CAPRIN1: variants seen among roughly 807,000 people sequenced by gnomAD.
The protein encoded by CAPRIN1 is caprin-1.
Under a neutral mutation model 100.9 loss-of-function variants are expected in CAPRIN1, and 29 were observed. The ratio of observed to expected loss-of-function variants is 0.29; its 90% CI spans 0.21 to 0.39. CAPRIN1 has a LOEUF of 0.39. CAPRIN1 is among the 10% of genes least tolerant of loss of function. The probability of loss-of-function intolerance (pLI) is 1.00; values close to 1 mark genes in which losing one functional copy is unlikely to be tolerated. For synonymous variants in CAPRIN1, 338 were observed against 307.5 expected (o/e 1.10, Z -1.04); for missense variants, 795 against 876.7 (o/e 0.91, Z 1.18).
chr11:34,090,378 T>A, intron 13 of CAPRIN1, 89 bp downstream of exon 13: 3 of 1,249,008 alleles, frequency 2.4e-6, no homozygotes, highest in Non-Finnish European at 2.3e-6. Flanking sequence ...TAATGATTCT[T>A]CTTTTTGGAC....
chr11:34,085,243 A>G (rs1264689386), intron 9 of CAPRIN1, among the ~76,000 whole-genome samples: 1 of 152,202 alleles, frequency 6.6e-6, no homozygotes, highest in Non-Finnish European at 1.5e-5. Context: ...AAAGGCTAAT[A>G]GAGTGAGCTT....
intron 11 of CAPRIN1, among the ~76,000 whole-genome samples, chr11:34,086,982 G>C (rs928848505): frequency 1.3e-5 from 2 of 152,196 alleles, no homozygotes. Flanking sequence ...GTGGGTAAGG[G>C]AATATGTAAG....
At chr11:34,053,076 C>A in intron 2 of CAPRIN1, 5 of 1,024,166 alleles carry the variant, frequency 4.9e-6, no homozygotes, top group Non-Finnish European at 5.9e-6. Context: ...GGAGTTGGGG[C>A]GGCCTGCGTC....
rs573988460 is a variant in CAPRIN1 at position 34,096,606 on chromosome 11, T to A, written c.1833T>A (p.Ser611=). 3 of 1,613,734 alleles carry A rather than the reference T, an allele frequency of 1.9e-6. No homozygotes were observed. The African/African-American group carries it at 4.0e-5, about 22-fold the overall frequency. Residue 611 remains serine (S), a synonymous_variant, in exon 16 of 19, where the codon TCT becomes TCA. Transcript: ENST00000341394. ...CCTATTACAATAGTCGTGGTGTGTC[T>A]CGTGGAGGCTCCCGTGGTGCTAGAG... ...NQPYYNSRGV[S]RGGSRGARGL...
At chr11:34,056,788 T>C (rs929711175) in intron 2 of CAPRIN1, among the ~76,000 whole-genome samples, 1 of 152,252 alleles carries the variant, frequency 6.6e-6, no homozygotes, top group Non-Finnish European at 1.5e-5. Flanking sequence ...GTGAATATAA[T>C]AGGTTTAGAC....
intron 11 of CAPRIN1, among the ~76,000 whole-genome samples, chr11:34,087,880 C>CAG (rs1331061712): frequency 6.6e-6 from 1 of 152,016 alleles, no homozygotes; most frequent in Non-Finnish European, 1.5e-5. Context: ...AAATGACTAA[C>CAG]CAAAGATCGT....
intron 7 of CAPRIN1, 140 bp downstream of exon 7, chr11:34,079,905 G>GTTTTTTTTTTT (rs377455073): frequency 3.2e-6 from 1 of 316,654 alleles, no homozygotes; most frequent in African/African-American, 2.9e-5. Flanking sequence ...GCATGACAAA[G>GTTTTTTTTTTT]TTTTTTTTTT....
Position 34,091,932 on chromosome 11 carries a change from T to G in CAPRIN1, c.1581T>G (p.Pro527=). ...TGTTCAATATGAATGCCCCAGTTCC[T>G]CCTGTTAATGAACCAGAAACTTTAA... ...QTVFNMNAPV[P]PVNEPETLKQ... is the part of the protein sequence containing the mutation. The change falls in exon 15 of 19, where the codon CCT becomes CCG. Residue 527 remains proline (P), a synonymous_variant. Transcript: ENST00000341394. The G allele has an allele frequency of 6.2e-7, 1 of 1,613,622 alleles. No individual in the cohort carries two copies. The highest frequency in any genetic ancestry group is 1.3e-5 in the African/African-American group (1 of 75,016).
chr11:34,081,294 G>A (rs1039255093), intron 7 of CAPRIN1, among the ~76,000 whole-genome samples: 2 of 151,328 alleles, frequency 1.3e-5, no homozygotes, highest in East Asian at 1.9e-4. Context: ...TCTGCCTCCC[G>A]GGTTCAAGCG....
At chr11:34,071,356 G>A (rs1472479082) in intron 2 of CAPRIN1, among the ~76,000 whole-genome samples, 1 of 152,114 alleles carries the variant, frequency 6.6e-6, no homozygotes, top group East Asian at 1.9e-4. Context: ...CTGAGGTCAG[G>A]AGTTTGAGAT....
At chr11:34,066,311 T>G (rs765323403) in intron 2 of CAPRIN1, among the ~76,000 whole-genome samples, 8 of 151,988 alleles carry the variant, frequency 5.3e-5, no homozygotes, top group Non-Finnish European at 1.0e-4. Context: ...TTTCTGTACC[T>G]TTTTAATTTA....
intron 18 of CAPRIN1, chr11:34,099,065 T>C: frequency 1.4e-6 from 2 of 1,389,250 alleles, no homozygotes; most frequent in Non-Finnish European, 1.9e-6. Context: ...AATGAATGAA[T>C]GAGTACTGGT....
chr11:34,099,391 A>T lies in CAPRIN1; in HGVS notation c.*24A>T. On this transcript the variant is annotated 3_prime_UTR_variant, in exon 19 of 19. Transcript: ENST00000341394. ...AATCTGATTCACAGGATTATGTTTA[A>T]TCGCCAAAAACACACTGGCCAGTGT... The T allele has an allele frequency of 6.3e-7, 1 of 1,587,618 alleles. No homozygotes were observed. Among genetic ancestry groups the T allele is most frequent in the Non-Finnish European group, 8.7e-7 (1 of 1,156,036 alleles).
chr11:34,058,699 G>A (rs1850507910), intron 2 of CAPRIN1, among the ~76,000 whole-genome samples: 1 of 152,190 alleles, frequency 6.6e-6, no homozygotes, highest in Admixed American at 6.5e-5. Context: ...TAAAATCCCA[G>A]TGTGTCAGGT....
At chr11:34,098,906 C>T in intron 18 of CAPRIN1, 1 of 1,008,072 alleles carries the variant, frequency 9.9e-7, no homozygotes, top group Non-Finnish European at 1.2e-6. Flanking sequence ...TATGATGTTA[C>T]TTACTACTGA....
At chr11:34,089,319 G>A (rs902666416) in intron 11 of CAPRIN1, 76 bp from the exon 12 acceptor site, 42 of 273,962 alleles carry the variant, frequency 1.5e-4, no homozygotes, top group Non-Finnish European at 2.2e-4. Context: ...CTTTAATAGC[G>A]AAATAAAAGG....
chr11:34,059,358 T>C (rs1850525715), intron 2 of CAPRIN1, among the ~76,000 whole-genome samples: 3 of 150,822 alleles, frequency 2.0e-5, no homozygotes, highest in Non-Finnish European at 2.9e-5. Flanking sequence ...AACCTCCGCC[T>C]CCTGGGTTCA....
intron 15 of CAPRIN1, among the ~76,000 whole-genome samples, chr11:34,094,147 G>A (rs777383367): frequency 5.3e-5 from 8 of 151,912 alleles, no homozygotes; most frequent in Non-Finnish European, 7.4e-5. Context: ...GAGGCCAGGC[G>A]TTCATGATGA....
At chr11:34,053,494 G>C (rs1416385623) in intron 2 of CAPRIN1, 1 of 152,654 alleles carries the variant, frequency 6.6e-6, no homozygotes, top group Admixed American at 6.6e-5. Flanking sequence ...TGCGGGGAGA[G>C]GGAAGCGCTT....
Sources: gnomAD v4.1 joint callset for allele counts (sites outside exome capture counted in the v4.1 genomes callset) on GRCh38, gnomAD v4.1.1 for gene constraint, MANE v1.5 for transcripts, NCBI Gene and HGNC (gene_info 2026-07-23, HGNC 2026-07-21) for gene names.